The following CSGALNACT1 variants were observed in gnomAD, a reference collection of about 807,000 sequenced individuals.
The protein encoded by CSGALNACT1 is beta4GalNAcT-1.
CSGALNACT1 carries 52 observed loss-of-function variants against 51.0 expected under a neutral mutation model. The observed-to-expected ratio is 1.02, with a 90% CI of 0.82 to 1.29. The LOEUF (loss-of-function observed/expected upper bound fraction) is 1.29, where lower values mean the gene tolerates loss of function less well. Ranked by LOEUF, CSGALNACT1 falls within the 50% of genes most tolerant of loss-of-function variation. The pLI, the probability that CSGALNACT1 is intolerant of heterozygous loss-of-function variation, is 0.00. For synonymous variants in CSGALNACT1, 341 were observed against 254.4 expected (o/e 1.34, Z -3.24); for missense variants, 935 against 679.2 (o/e 1.38, Z -4.19).
intron 3 of CSGALNACT1, among the ~76,000 whole-genome samples, chr8:19,569,776 T>G (rs974185888): frequency 3.3e-5 from 5 of 152,154 alleles, no homozygotes; most frequent in Non-Finnish European, 7.3e-5. Flanking sequence ...ATTTAGAAAT[T>G]TTATCCCTAA....
chr8:19,639,016 A>C (rs1419724773), intron 1 of CSGALNACT1, among the ~76,000 whole-genome samples: 3 of 152,036 alleles, frequency 2.0e-5, no homozygotes, highest in African/African-American at 4.8e-5. Flanking sequence ...ACCAATAAAG[A>C]GGTATATCAT....
At chr8:19,601,940 G>C (rs771789890) in intron 1 of CSGALNACT1, 75 bp from the exon 2 acceptor site, 2 of 447,216 alleles carry the variant, frequency 4.5e-6, no homozygotes, top group Non-Finnish European at 8.9e-6. Flanking sequence ...TACAAAATGG[G>C]AACATTTTAA....
chr8:19,412,981 A>G (rs2056166774), intron 8 of CSGALNACT1, among the ~76,000 whole-genome samples: 1 of 152,156 alleles, frequency 6.6e-6, no homozygotes, highest in Non-Finnish European at 1.5e-5. Context: ...CAATGTTGCC[A>G]AGCCCAAAAC....
At chr8:19,615,045 T>C (rs923887214) in intron 1 of CSGALNACT1, among the ~76,000 whole-genome samples, 3 of 152,196 alleles carry the variant, frequency 2.0e-5, no homozygotes, top group Admixed American at 1.3e-4. Context: ...CTATTTTTCA[T>C]TGTAAAAATA....
intron 1 of CSGALNACT1, among the ~76,000 whole-genome samples, chr8:19,752,385 C>T (rs538469534): frequency 5.3e-5 from 8 of 152,206 alleles, no homozygotes; most frequent in African/African-American, 9.6e-5. Context: ...CGACATGGAA[C>T]AGTCTACCAC....
chr8:19,652,669 T>C (rs2057918410), intron 1 of CSGALNACT1, among the ~76,000 whole-genome samples: 1 of 152,202 alleles, frequency 6.6e-6, no homozygotes, highest in African/African-American at 2.4e-5. Flanking sequence ...TACAGTAGAC[T>C]TTGGGAAACA....
chr8:19,706,562 C>A (rs2062178069), intron 1 of CSGALNACT1, among the ~76,000 whole-genome samples: 2 of 152,156 alleles, frequency 1.3e-5, no homozygotes, highest in Admixed American at 1.3e-4. Flanking sequence ...TCTCTTTAGC[C>A]TCCAACCACA....
intron 4 of CSGALNACT1, among the ~76,000 whole-genome samples, chr8:19,473,301 G>A (rs1164606849): frequency 6.6e-6 from 1 of 152,164 alleles, no homozygotes; most frequent in Non-Finnish European, 1.5e-5. Flanking sequence ...AATATCAACT[G>A]AAAATTTCAA....
chr8:19,731,022 C>T (rs2063662006), intron 1 of CSGALNACT1, among the ~76,000 whole-genome samples: 1 of 152,128 alleles, frequency 6.6e-6, no homozygotes, highest in East Asian at 1.9e-4. Flanking sequence ...GACAGGGATC[C>T]CCACTGGAAT....
At chr8:19,637,500 C>A (rs1046745105) in intron 1 of CSGALNACT1, among the ~76,000 whole-genome samples, 2 of 152,100 alleles carry the variant, frequency 1.3e-5, no homozygotes, top group Non-Finnish European at 2.9e-5. Context: ...TTATTCCCCC[C>A]GAAGGCTGAT....
At chr8:19,415,653 C>T (rs1006446019) in intron 8 of CSGALNACT1, among the ~76,000 whole-genome samples, 13 of 152,136 alleles carry the variant, frequency 8.5e-5, no homozygotes, top group Non-Finnish European at 1.8e-4. Flanking sequence ...GATTGTAAAA[C>T]GAAAACAATT....
intron 3 of CSGALNACT1, among the ~76,000 whole-genome samples, chr8:19,575,050 C>T (rs550616224): frequency 2.0e-5 from 3 of 151,918 alleles, no homozygotes; most frequent in Admixed American, 2.0e-4. Flanking sequence ...AAAAAAAATT[C>T]CTCTCTCCTC....
At chr8:19,726,464 C>A (rs1303063571) in intron 1 of CSGALNACT1, among the ~76,000 whole-genome samples, 1 of 151,888 alleles carries the variant, frequency 6.6e-6, no homozygotes, top group African/African-American at 2.4e-5. Flanking sequence ...GTATAGCTGA[C>A]AAAAATTGTA....
At chr8:19,454,187 C>A (rs1275873046) in intron 5 of CSGALNACT1, among the ~76,000 whole-genome samples, 1 of 152,210 alleles carries the variant, frequency 6.6e-6, no homozygotes, top group African/African-American at 2.4e-5. Context: ...AGTATATACT[C>A]CATTCTCAAA....
At chr8:19,575,889 T>C (rs1049969895) in intron 3 of CSGALNACT1, among the ~76,000 whole-genome samples, 1 of 152,162 alleles carries the variant, frequency 6.6e-6, no homozygotes, top group African/African-American at 2.4e-5. Context: ...CATTGTACCA[T>C]ACTTTTCTAT....
At chr8:19,416,081 G>C (rs1384389345) in intron 8 of CSGALNACT1, among the ~76,000 whole-genome samples, 1 of 150,584 alleles carries the variant, frequency 6.6e-6, no homozygotes, top group Non-Finnish European at 1.5e-5. Flanking sequence ...AGGAAGGCAA[G>C]GTTAACTTAT....
chr8:19,609,196 G>A (rs531424844), intron 1 of CSGALNACT1, among the ~76,000 whole-genome samples: 1 of 150,372 alleles, frequency 6.7e-6, no homozygotes, highest in East Asian at 1.9e-4. Flanking sequence ...TTTATATTGA[G>A]ATTGAGGGAG....
chr8:19,516,842 G>C (rs1223042287), intron 3 of CSGALNACT1, among the ~76,000 whole-genome samples: 1 of 152,174 alleles, frequency 6.6e-6, no homozygotes, highest in Non-Finnish European at 1.5e-5. Flanking sequence ...TGCTTTCTGG[G>C]GATCGAGGTG....
intron 1 of CSGALNACT1, among the ~76,000 whole-genome samples, chr8:19,655,607 CAG>C (rs2058203995): frequency 2.0e-5 from 3 of 151,430 alleles, no homozygotes; most frequent in African/African-American, 7.3e-5. Flanking sequence ...TTTGCAGAGA[CAG>C]AGTTTTGCCA....
Sources: gnomAD v4.1 joint callset for allele counts (sites outside exome capture counted in the v4.1 genomes callset) on GRCh38, gnomAD v4.1.1 for gene constraint, MANE v1.5 for transcripts, NCBI Gene and HGNC (gene_info 2026-07-23, HGNC 2026-07-21) for gene names.